ADAMTS17: variants seen among roughly 807,000 people sequenced by gnomAD.
ADAMTS17 encodes the protein A disintegrin and metalloproteinase with thrombospondin motifs 17.
Under a neutral mutation model 141.5 loss-of-function variants are expected in ADAMTS17, and 113 were observed. That is an observed-to-expected ratio of 0.80 (90% CI 0.69 to 0.93). ADAMTS17 has a LOEUF of 0.93. ADAMTS17 is among the 40% of genes least tolerant of loss of function. ADAMTS17 has a pLI of 0.00. For missense variants in ADAMTS17, 1,659 were observed against 1,517.9 expected (o/e 1.09, Z -1.54); for synonymous variants, 768 against 630.6 (o/e 1.22, Z -3.27).
intron 3 of ADAMTS17, among the ~76,000 whole-genome samples, chr15:100,309,786 C>T (rs1452744794): frequency 6.6e-6 from 1 of 152,220 alleles, no homozygotes; most frequent in Non-Finnish European, 1.5e-5. Context: ...GGGCCCACCC[C>T]AACTGCCTGG....
intron 13 of ADAMTS17, among the ~76,000 whole-genome samples, chr15:100,114,726 G>A (rs532085659): frequency 2.0e-5 from 3 of 152,196 alleles, no homozygotes; most frequent in Non-Finnish European, 4.4e-5. Flanking sequence ...GGAAGTGGGT[G>A]AAAGGTCACA....
At chr15:100,000,831 A>G (rs1276411823) in intron 18 of ADAMTS17, among the ~76,000 whole-genome samples, 3 of 152,148 alleles carry the variant, frequency 2.0e-5, no homozygotes, top group Admixed American at 6.5e-5. Context: ...ACTGCTCCCC[A>G]GAATACACCT....
chr15:100,131,788 C>T (rs1235482858), intron 12 of ADAMTS17, among the ~76,000 whole-genome samples: 1 of 152,230 alleles, frequency 6.6e-6, no homozygotes, highest in African/African-American at 2.4e-5. Context: ...CAGCTCACCC[C>T]AGACTCTACT....
chr15:99,986,996 G>A (rs573886987), intron 20 of ADAMTS17, among the ~76,000 whole-genome samples: 9 of 152,290 alleles, frequency 5.9e-5, no homozygotes, highest in African/African-American at 2.2e-4. Flanking sequence ...TTTGGCTGCT[G>A]GCCAAGGTCA....
intron 13 of ADAMTS17, among the ~76,000 whole-genome samples, chr15:100,110,377 G>A (rs1317174952): frequency 6.6e-6 from 1 of 151,320 alleles, no homozygotes; most frequent in Non-Finnish European, 1.5e-5. Flanking sequence ...CCATTCTCCT[G>A]CCTCAGCCTC....
At chr15:100,241,337 C>T (rs140700568) in intron 7 of ADAMTS17, among the ~76,000 whole-genome samples, 4 of 152,322 alleles carry the variant, frequency 2.6e-5, no homozygotes, top group Non-Finnish European at 4.4e-5. Context: ...TAAGCCTGAA[C>T]GTAGAGATAG....
At chr15:100,289,977 T>C (rs1449955526) in intron 3 of ADAMTS17, among the ~76,000 whole-genome samples, 1 of 152,144 alleles carries the variant, frequency 6.6e-6, no homozygotes, top group Non-Finnish European at 1.5e-5. Context: ...CCCACTCTCA[T>C]GGCTCCTACT....
chr15:100,065,700 G>A (rs1297478725), intron 15 of ADAMTS17, among the ~76,000 whole-genome samples: 1 of 152,140 alleles, frequency 6.6e-6, no homozygotes, highest in African/African-American at 2.4e-5. Context: ...TCAGGTTAGG[G>A]ACATTCTCTT....
chr15:100,086,990 T>C (rs1032523644), intron 15 of ADAMTS17, among the ~76,000 whole-genome samples: 1 of 151,740 alleles, frequency 6.6e-6, no homozygotes, highest in African/African-American at 2.4e-5. Flanking sequence ...ATAACTAAGA[T>C]CAGAGCAGAA....
At chr15:100,341,580 C>T (rs2046368867) in intron 1 of ADAMTS17, among the ~76,000 whole-genome samples, 171 bp from the exon 2 acceptor site, 1 of 149,576 alleles carries the variant, frequency 6.7e-6, no homozygotes, top group African/African-American at 2.4e-5. Context: ...GGAGGGTCTC[C>T]GGCGCAGCCG....
intron 7 of ADAMTS17, among the ~76,000 whole-genome samples, chr15:100,240,017 A>G (rs2042781365): frequency 6.6e-6 from 1 of 152,068 alleles, no homozygotes; most frequent in Non-Finnish European, 1.5e-5. Context: ...AATGTGCCCA[A>G]CCCCAACAAT....
intron 18 of ADAMTS17, among the ~76,000 whole-genome samples, chr15:100,001,893 G>C (rs555480284): frequency 6.8e-6 from 1 of 147,780 alleles, no homozygotes; most frequent in African/African-American, 2.5e-5. Flanking sequence ...TGTCTGGACC[G>C]GGGAGGCAGA....
At chr15:99,986,880 G>A (rs938610746) in intron 20 of ADAMTS17, among the ~76,000 whole-genome samples, 12 of 152,204 alleles carry the variant, frequency 7.9e-5, no homozygotes, top group African/African-American at 2.9e-4. Flanking sequence ...TATCCCGGGT[G>A]GGAAGGCAGC....
At chr15:100,091,402 T>G (rs868264239) in intron 15 of ADAMTS17, among the ~76,000 whole-genome samples, 18 of 152,292 alleles carry the variant, frequency 1.2e-4, no homozygotes, top group Middle Eastern at 6.8e-3. Flanking sequence ...AGAAATCCAG[T>G]TACAGGAACA....
intron 2 of ADAMTS17, among the ~76,000 whole-genome samples, chr15:100,338,638 G>GCTC (rs10681516): frequency 0.99 from 149,876 of 152,116 alleles, 73,874 homozygotes; most frequent in Middle Eastern, 1. Flanking sequence ...CCCGACTCTT[G>GCTC]CTCATTTTTA....
rs183560201 is a variant in ADAMTS17, at chr15:100,177,620, T to C, written c.1181+21698A>G. On this transcript the variant is annotated intron_variant, in intron 8 of 21. Transcript: ENST00000268070. ...AGCTTGAAAAGAATGTGTATTTTGC[T>C]GTTGTTGGATGAAGTGTTCTATAAA... 1.5e-3 allele frequency among the ~76,000 whole-genome samples: 221 copies of C among 152,342 alleles called. 2 individuals are homozygous for C. Among genetic ancestry groups the C allele is most frequent in the African/African-American group, 5.1e-3 (213 of 41,584 alleles).
At chr15:99,976,407 G>A (rs1371057874) in intron 20 of ADAMTS17, 185 bp from the exon 21 acceptor site, 33 of 774,050 alleles carry the variant, frequency 4.3e-5, no homozygotes, top group Middle Eastern at 3.5e-4. Context: ...GGGCCTACAC[G>A]AGGTCAGGGG....
chr15:100,108,853 G>A lies in ADAMTS17; in HGVS notation c.2016+136C>T, dbSNP rs183193149. On this transcript the variant is annotated intron_variant, in intron 14 of 21. Transcript: ENST00000268070. ...CCAGGCAACACTGGCGGCAGGAGGC[G>A]GCATCACTGGGTGCCTTCCTAAGAA... is the stretch of plus-strand genomic sequence containing the variant. The A allele has an allele frequency of 2.7e-4, 396 of 1,455,532 alleles. 1 individual carries two copies. Among genetic ancestry groups the A allele is most frequent in the Non-Finnish European group, 3.4e-4 (359 of 1,053,724 alleles). The allele number at this position is 1,455,532 out of a possible 1,614,324, so 90.2% of individuals were successfully genotyped here.
chr15:100,296,185 G>A (rs943282372), intron 3 of ADAMTS17, among the ~76,000 whole-genome samples: 2 of 152,106 alleles, frequency 1.3e-5, no homozygotes, highest in South Asian at 2.1e-4. Flanking sequence ...GTGTCGTACC[G>A]AGTTTGAACA....
Sources: gnomAD v4.1 joint callset for allele counts (sites outside exome capture counted in the v4.1 genomes callset) on GRCh38, gnomAD v4.1.1 for gene constraint, MANE v1.5 for transcripts, NCBI Gene and HGNC (gene_info 2026-07-23, HGNC 2026-07-21) for gene names.